KLHL8: variants seen among roughly 807,000 people sequenced by gnomAD.
KLHL8 encodes the protein kelch-like protein 8.
In KLHL8, 38 loss-of-function variants were observed where a neutral mutation model predicts 63.5. The observed-to-expected ratio is 0.60, with a 90% confidence interval of 0.46 to 0.78. The LOEUF (loss-of-function observed/expected upper bound fraction) is 0.78, where lower values mean the gene tolerates loss of function less well. Among genes scored for constraint, KLHL8 ranks in the 30% least tolerant of loss-of-function variants. KLHL8 has a pLI of 0.00. For missense variants in KLHL8, 566 were observed against 752.4 expected (o/e 0.75, Z 2.90); for synonymous variants, 224 against 254.3 (o/e 0.88, Z 1.13).
chr4:87,234,508 G>A (rs1253717855), intron 1 of KLHL8, among the ~76,000 whole-genome samples: 2 of 151,830 alleles, frequency 1.3e-5, no homozygotes, highest in African/African-American at 4.8e-5. Context: ...CCATGATAAT[G>A]TCCTGCACAA....
chr4:87,168,710 GTATA>G (rs954833009), intron 8 of KLHL8, among the ~76,000 whole-genome samples: 3 of 142,784 alleles, frequency 2.1e-5, no homozygotes, highest in African/African-American at 7.8e-5. Context: ...ATATATATGT[GTATA>G]TATATACGTA....
intron 8 of KLHL8, among the ~76,000 whole-genome samples, chr4:87,166,600 T>C (rs2149826292): frequency 6.6e-6 from 1 of 152,308 alleles, no homozygotes; most frequent in African/African-American, 2.4e-5. Context: ...CTACTGGAAG[T>C]GTGTTGTGTG....
chr4:87,176,848 C>CACCT lies in KLHL8; in HGVS notation c.1113_1116dup (p.Gly373ArgfsTer4). 1 of 1,600,118 alleles carries CACCT rather than the reference C, an allele frequency of 6.2e-7. No homozygotes were observed. The highest frequency in any genetic ancestry group is 8.5e-7 in the Non-Finnish European group (1 of 1,171,604). ...CCTAAATGTTCATTTCCATCATGTC[C>CACCT]ACCTACTGCATACACTTTACCTGTC... On this transcript the variant is annotated frameshift_variant, in exon 6 of 10. Coordinates refer to ENST00000273963, the MANE Select transcript of KLHL8 (RefSeq NM_020803.5). LOFTEE classifies it high-confidence loss of function.
At chr4:87,183,431 T>C (rs778467944) in intron 3 of KLHL8, 42 bp from the exon 4 acceptor site, 6 of 1,414,220 alleles carry the variant, frequency 4.2e-6, no homozygotes, top group Non-Finnish European at 5.7e-6. Flanking sequence ...TTTTATATTT[T>C]CTTGGGAAAA....
In KLHL8 at chr4:87,178,739, T is replaced by C. The variant is rs1259475282; in HGVS notation, c.953-119A>G. 3.3e-6 allele frequency: 3 copies of C among 903,576 alleles called. No homozygotes were observed. In the African/African-American group the frequency reaches 5.2e-5, roughly 16 times the overall value. 56.0% of individuals were successfully genotyped at this position (903,576 alleles called of 1,614,324 possible). ...AAAAAGTTATTTGGATAGTATTCAA[T>C]GTTATTATGTTACTAGAAATCTAAT... On this transcript the variant is annotated intron_variant, in intron 4 of 9. Coordinates refer to ENST00000273963, the MANE Select transcript of KLHL8 (RefSeq NM_020803.5).
chr4:87,207,750 T>G, intron 1 of KLHL8: 1 of 858,304 alleles, frequency 1.2e-6, no homozygotes, highest in South Asian at 1.4e-5. Flanking sequence ...AGGCCCTCTC[T>G]GAGCTGAATG....
intron 1 of KLHL8, among the ~76,000 whole-genome samples, chr4:87,240,066 A>G (rs1288807120): frequency 4.6e-5 from 7 of 152,164 alleles, no homozygotes; most frequent in South Asian, 2.1e-4. Context: ...TCTTTTCCCC[A>G]CAGCACTTTG....
chr4:87,211,428 A>G (rs550332385), intron 1 of KLHL8, among the ~76,000 whole-genome samples: 10 of 152,330 alleles, frequency 6.6e-5, no homozygotes, highest in East Asian at 3.9e-4. Context: ...GAAAAACTGT[A>G]TAATAGCTTC....
At chr4:87,201,439 T>C (rs192373649) in intron 1 of KLHL8, among the ~76,000 whole-genome samples, 9 of 152,330 alleles carry the variant, frequency 5.9e-5, no homozygotes, top group African/African-American at 1.2e-4. Flanking sequence ...ACAATTATAA[T>C]TGAAGAGATT....
At chr4:87,179,675 G>A (rs1404498198) in intron 4 of KLHL8, among the ~76,000 whole-genome samples, 4 of 152,096 alleles carry the variant, frequency 2.6e-5, no homozygotes, top group Admixed American at 2.0e-4. Flanking sequence ...TACATGGGAG[G>A]CTGAGGCAGG....
chr4:87,170,722 CAG>C, intron 6 of KLHL8, 107 bp from the exon 7 acceptor site: 1 of 955,988 alleles, frequency 1.0e-6, no homozygotes, highest in Non-Finnish European at 1.6e-6. Flanking sequence ...AACCTTCAAA[CAG>C]TATAGTTTGT....
upstream of KLHL8, chr4:87,221,158 G>A (rs1732828931): frequency 6.6e-6 from 1 of 152,264 alleles, no homozygotes. Flanking sequence ...AGCACTTTGG[G>A]AGGCTGAGGC....
intron 8 of KLHL8, 56 bp downstream of exon 8, chr4:87,170,023 A>G: frequency 7.3e-7 from 1 of 1,374,222 alleles, no homozygotes; most frequent in Non-Finnish European, 1.0e-6. Context: ...TTACTCTGTT[A>G]TATGACACTT....
intron 1 of KLHL8, among the ~76,000 whole-genome samples, chr4:87,236,470 G>A (rs1223408485): frequency 3.3e-5 from 5 of 151,968 alleles, no homozygotes; most frequent in Non-Finnish European, 7.4e-5. Flanking sequence ...GCCTTCCAAA[G>A]TGCTGAGATT....
rs557546343 is a variant in KLHL8, at chr4:87,208,048, AACAAGGTCGTGG to A, written c.-152+12358_-151-12359del. On this transcript the variant is annotated intron_variant, in intron 1 of 9. Transcript: ENST00000273963. ...GTATAGCGATGAATTTGGCTACAGC[AACAAGGTCGTGG>A]ACCTCATGGCCCACATGGCCTCCAA... 542 of 630,140 alleles carry A rather than the reference AACAAGGTCGTGG, an allele frequency of 8.6e-4. 4 individuals carry two copies. The African/African-American group carries it at 9.1e-3, about 11-fold the overall frequency. 39.0% of individuals were successfully genotyped at this position (630,140 alleles called of 1,614,324 possible). A position where few individuals can be genotyped will look rare whatever the true frequency, so the allele number is the denominator to read the frequency against.
chr4:87,215,668 C>G (rs561356743), intron 1 of KLHL8, among the ~76,000 whole-genome samples: 9 of 152,080 alleles, frequency 5.9e-5, no homozygotes, highest in Non-Finnish European at 8.8e-5. Context: ...AATCATTATA[C>G]AAGGAAAACA....
chr4:87,171,226 T>TTATC (rs1730622332), intron 6 of KLHL8, among the ~76,000 whole-genome samples: 1 of 152,208 alleles, frequency 6.6e-6, no homozygotes, highest in Non-Finnish European at 1.5e-5. Flanking sequence ...AATCAAAAGT[T>TTATC]GAACTATTAT....
chr4:87,200,191 A>G (rs1386359048), intron 1 of KLHL8, among the ~76,000 whole-genome samples: 1 of 151,454 alleles, frequency 6.6e-6, no homozygotes. Context: ...ACTTGAATAG[A>G]CATTTCTCCA....
At chr4:87,193,242 C>A (rs1045203049) in intron 2 of KLHL8, among the ~76,000 whole-genome samples, 6 of 152,068 alleles carry the variant, frequency 3.9e-5, no homozygotes, top group Admixed American at 2.6e-4. Context: ...AAACTTTTTT[C>A]TACTTAAAAT....
Sources: gnomAD v4.1 joint callset for allele counts (sites outside exome capture counted in the v4.1 genomes callset) on GRCh38, gnomAD v4.1.1 for gene constraint, MANE v1.5 for transcripts, NCBI Gene and HGNC (gene_info 2026-07-23, HGNC 2026-07-21) for gene names.